SCHIP1: variants seen among roughly 807,000 people sequenced by gnomAD.
The protein encoded by SCHIP1 is schwannomin interacting protein 1.
A neutral mutation model predicts 29.7 loss-of-function variants in SCHIP1; 8 were observed. That is an observed-to-expected ratio of 0.27 (90% CI 0.16 to 0.49). The LOEUF is 0.49. Among genes scored for constraint, SCHIP1 ranks in the 20% least tolerant of loss-of-function variants. The pLI is 0.99. For synonymous variants in SCHIP1, 76 were observed against 94.9 expected (o/e 0.80, Z 1.16); for missense variants, 193 against 294.6 (o/e 0.66, Z 2.52).
chr3:159,711,192 T>A, the SCHIP1 span, among the ~76,000 whole-genome samples: 1 of 142,454 alleles, frequency 7.0e-6, no homozygotes, highest in Admixed American at 6.9e-5. Context: ...AGAATAATAT[T>A]CTTTAAGAAA....
chr3:159,704,892 CTTTCTTTCTTTCTTTA>C, the SCHIP1 span, among the ~76,000 whole-genome samples: 513 of 77,006 alleles, frequency 6.7e-3, 5 homozygotes, highest in African/African-American at 0.036. Flanking sequence ...TTCTTTCTTT[CTTTCTTTCTTTCTTTA>C]TTTCTTTCTT....
chr3:159,460,331 G>C, the SCHIP1 span, among the ~76,000 whole-genome samples: 2 of 152,156 alleles, frequency 1.3e-5, no homozygotes, highest in Non-Finnish European at 2.9e-5. Context: ...AATAAGGTGA[G>C]GTCCCCAAAG....
chr3:159,893,479 C>G (rs1577507823), intron 6 of SCHIP1: 1 of 152,048 alleles, frequency 6.6e-6, no homozygotes, highest in Non-Finnish European at 1.5e-5. Context: ...TATGGGAAAT[C>G]GGTGGTGAAA....
chr3:159,560,894 G>A, the SCHIP1 span, among the ~76,000 whole-genome samples: 108 of 152,304 alleles, frequency 7.1e-4, no homozygotes, highest in Admixed American at 1.9e-3. Context: ...GATGGTGTGT[G>A]AATCTTGTAA....
the SCHIP1 span, among the ~76,000 whole-genome samples, chr3:159,714,741 G>A: frequency 6.6e-5 from 10 of 152,240 alleles, no homozygotes; most frequent in African/African-American, 2.4e-4. Flanking sequence ...AAACAAAGCA[G>A]CTGGGAAGCT....
At chr3:159,477,298 A>G in the SCHIP1 span, among the ~76,000 whole-genome samples, 1 of 152,156 alleles carries the variant, frequency 6.6e-6, no homozygotes, top group Non-Finnish European at 1.5e-5. Context: ...TTTTCCGGAT[A>G]TATGACAAGT....
the SCHIP1 span, among the ~76,000 whole-genome samples, chr3:159,554,047 T>TGTGTGTGTGTG: frequency 6.7e-6 from 1 of 148,190 alleles, no homozygotes; most frequent in African/African-American, 2.6e-5. Context: ...TGTGTGTGTA[T>TGTGTGTGTGTG]TTTTAGTAGA....
the SCHIP1 span, among the ~76,000 whole-genome samples, chr3:159,833,192 T>C: frequency 6.6e-6 from 1 of 152,220 alleles, no homozygotes; most frequent in Admixed American, 6.5e-5. Context: ...TATTATAATA[T>C]CAAAAGTTGG....
At chr3:159,431,105 G>C in the SCHIP1 span, among the ~76,000 whole-genome samples, 5 of 152,040 alleles carry the variant, frequency 3.3e-5, no homozygotes, top group Non-Finnish European at 5.9e-5. Context: ...TTGAGAAGTA[G>C]AGCATTTAAT....
the SCHIP1 span, among the ~76,000 whole-genome samples, chr3:159,746,560 T>TC: frequency 6.6e-6 from 1 of 152,144 alleles, no homozygotes; most frequent in Admixed American, 6.6e-5. Context: ...TAGTTTTTTT[T>TC]CAACATCAGT....
At chr3:159,827,452 AG>A in the SCHIP1 span, among the ~76,000 whole-genome samples, 5 of 152,236 alleles carry the variant, frequency 3.3e-5, no homozygotes, top group Non-Finnish European at 7.3e-5. Context: ...GTGACATACC[AG>A]GAAAACACAT....
chr3:159,828,580 AT>A, the SCHIP1 span, among the ~76,000 whole-genome samples: 21 of 149,970 alleles, frequency 1.4e-4, no homozygotes, highest in African/African-American at 2.9e-4. Flanking sequence ...TACTTTTGAC[AT>A]TTTTTTTTCA....
chr3:159,440,877 A>C, the SCHIP1 span, among the ~76,000 whole-genome samples: 112 of 152,268 alleles, frequency 7.4e-4, no homozygotes, highest in African/African-American at 2.6e-3. Flanking sequence ...ACTAAAACTC[A>C]CTCTGATGGA....
At chr3:159,819,929 C>G in the SCHIP1 span, among the ~76,000 whole-genome samples, 2 of 152,160 alleles carry the variant, frequency 1.3e-5, no homozygotes, top group African/African-American at 4.8e-5. Flanking sequence ...AGGGTTAGCC[C>G]CCAGCTCATT....
At chr3:159,588,760 A>C in the SCHIP1 span, among the ~76,000 whole-genome samples, 150 of 152,314 alleles carry the variant, frequency 9.8e-4, no homozygotes, top group Admixed American at 1.2e-3. Flanking sequence ...GGTTTGTCAA[A>C]GATCATATAG....
At chr3:159,346,199 AAG>A in the SCHIP1 span, among the ~76,000 whole-genome samples, 1 of 151,478 alleles carries the variant, frequency 6.6e-6, no homozygotes, top group African/African-American at 2.4e-5. Context: ...GAAAAAAAAA[AAG>A]AAAAAAGAAA....
chr3:159,818,426 A>G, the SCHIP1 span, among the ~76,000 whole-genome samples: 1 of 152,306 alleles, frequency 6.6e-6, no homozygotes, highest in African/African-American at 2.4e-5. Context: ...TCTCTCCTCT[A>G]TCTCCCCTCT....
At chr3:159,566,301 A>G in the SCHIP1 span, among the ~76,000 whole-genome samples, 3 of 152,230 alleles carry the variant, frequency 2.0e-5, no homozygotes, top group African/African-American at 4.8e-5. Context: ...ATTACAAACA[A>G]TGCTGTCATA....
the SCHIP1 span, among the ~76,000 whole-genome samples, chr3:159,392,880 A>G: frequency 2.6e-5 from 4 of 152,222 alleles, no homozygotes; most frequent in South Asian, 2.1e-4. Context: ...TGCCTGAGGA[A>G]TCGCCACACT....
Sources: gnomAD v4.1 joint callset for allele counts (sites outside exome capture counted in the v4.1 genomes callset) on GRCh38, gnomAD v4.1.1 for gene constraint, MANE v1.5 for transcripts, NCBI Gene and HGNC (gene_info 2026-07-23, HGNC 2026-07-21) for gene names.